SPI1: variants seen among roughly 807,000 people sequenced by gnomAD.
SPI1 encodes Spi-1 proto-oncogene, also known as transcription factor PU.1.
A neutral mutation model predicts 30.7 loss-of-function variants in SPI1; 3 were observed. The observed-to-expected ratio is 0.10, with a 90% CI of 0.04 to 0.25. SPI1 has a LOEUF of 0.25. SPI1 is among the 10% of genes least tolerant of loss of function. The probability of loss-of-function intolerance (pLI) is 1.00; values close to 1 mark genes in which losing one functional copy is unlikely to be tolerated. For synonymous variants in SPI1, 169 were observed against 157.1 expected, an observed-to-expected ratio of 1.08 and a Z score of -0.56; for missense variants, 261 against 371.5, an observed-to-expected ratio of 0.70 and a Z score of 2.45.
intron 2 of SPI1, among the ~76,000 whole-genome samples, chr11:47,360,303 A>G (rs1476907739): frequency 1.3e-5 from 2 of 152,176 alleles, no homozygotes; most frequent in African/African-American, 4.8e-5. Flanking sequence ...GTTCTCAGCA[A>G]TTCCATCCTG....
At chr11:47,361,411 T>G (rs1431359477) in intron 2 of SPI1, among the ~76,000 whole-genome samples, 2 of 152,202 alleles carry the variant, frequency 1.3e-5, no homozygotes, top group Non-Finnish European at 1.5e-5. Context: ...GTGGGTTCCT[T>G]GAGTCTGTGG....
intron 4 of SPI1, among the ~76,000 whole-genome samples, chr11:47,356,074 C>G (rs1038947556): frequency 2.0e-5 from 3 of 151,692 alleles, no homozygotes; most frequent in Admixed American, 6.6e-5. Flanking sequence ...CACCCACATG[C>G]TCACACACAT....
At chr11:47,377,080 T>C (rs1030530163) in intron 1 of SPI1, among the ~76,000 whole-genome samples, 5 of 152,142 alleles carry the variant, frequency 3.3e-5, no homozygotes, top group African/African-American at 1.2e-4. Context: ...GGGGTGTCGG[T>C]GTGGATGCCA....
intron 1 of SPI1, among the ~76,000 whole-genome samples, chr11:47,376,243 C>T (rs1215587148): frequency 6.6e-6 from 1 of 152,056 alleles, no homozygotes; most frequent in African/African-American, 2.4e-5. Context: ...CTCATGCACA[C>T]ACGCAGAGTC....
Position 47,374,335 on chromosome 11 carries a change from G to A in SPI1, c.142+1298C>T, listed in dbSNP as rs1464471189. Among the ~76,000 whole-genome samples, 1 of 152,188 alleles carries A rather than the reference G, an allele frequency of 6.6e-6. No homozygotes were observed. Among genetic ancestry groups the A allele is most frequent in the Non-Finnish European group, 1.5e-5 (1 of 68,034 alleles). ...AAAAGGATATTTTAAAGGCTTTCTA[G>A]CCCTGAAAGATTCTAAAAGATGCCT... On this transcript the variant is annotated intron_variant, in intron 2 of 4. Transcript: ENST00000378538. The surrounding 1 kb of genome is among the most constrained non-coding windows in gnomAD (Gnocchi z 4.5).
At position 47,355,446 on chromosome 11, in the gene SPI1, G is replaced by T. The variant is rs1352348607; in HGVS notation, c.594C>A (p.Thr198=). The T allele has an allele frequency of 6.2e-7, 1 of 1,613,710 alleles. No individual in the cohort carries two copies. The highest frequency in any genetic ancestry group is 1.1e-5 in the South Asian group (1 of 91,066). The change falls in exon 5 of 5, where the codon ACC becomes ACA. Residue 198 remains threonine, a synonymous_variant. Coordinates refer to ENST00000378538, the MANE Select transcript of SPI1 (RefSeq NM_003120.3). ...CCTTGTGCTTGGACGAGAACTGGAA[G>T]GTGCCCTTGTCCTTGTCCACCCACC... ...SIWWVDKDKG[T]FQFSSKHKEA...
chr11:47,360,103 T>G, intron 2 of SPI1, 63 bp from the exon 3 acceptor site: 1 of 1,355,514 alleles, frequency 7.4e-7, no homozygotes, highest in Non-Finnish European at 9.8e-7. Flanking sequence ...GAAAAGGTTA[T>G]AGTAACATTA....
At chr11:47,363,860 G>C (rs1725615493) in intron 2 of SPI1, among the ~76,000 whole-genome samples, 1 of 150,356 alleles carries the variant, frequency 6.7e-6, no homozygotes, top group South Asian at 2.1e-4. Flanking sequence ...TACTCAGGAG[G>C]CTGAGGCAGG....
rs1390727089 is a variant in SPI1 at position 47,375,411 on chromosome 11, G to C, written c.142+222C>G. Among the ~76,000 whole-genome samples, 1 of 152,240 alleles carries C rather than the reference G, an allele frequency of 6.6e-6. No homozygotes were observed. The highest frequency in any genetic ancestry group is 1.5e-5 in the Non-Finnish European group (1 of 68,046). ...ACAGAACCAGCAGATAACCATGGAA[G>C]AAATGAACCCCGCACCTTGACACAC... is the stretch of plus-strand genomic sequence containing the variant. On this transcript the variant is annotated intron_variant, in intron 2 of 4. Transcript: ENST00000378538. The surrounding 1 kb of genome is among the most constrained non-coding windows in gnomAD (Gnocchi z 4.2).
At position 47,354,892 on chromosome 11, in the gene SPI1, AG is replaced by A. The variant is rs2095905581; in HGVS notation, c.*334del. ...AGAATAACTTTACTTGTTTTTTGGG[AG>A]GAGGTTAATGGGTGGGAGGGGTGAG... On this transcript the variant is annotated 3_prime_UTR_variant, in exon 5 of 5. Coordinates refer to ENST00000378538, the MANE Select transcript of SPI1 (RefSeq NM_003120.3). 2 of 231,848 alleles carry A rather than the reference AG, an allele frequency of 8.6e-6. No individual in the cohort carries two copies. 14.4% of individuals were successfully genotyped at this position (231,848 alleles called of 1,614,324 possible). A position where few individuals can be genotyped will look rare whatever the true frequency, so the allele number is the denominator to read the frequency against.
intron 4 of SPI1, among the ~76,000 whole-genome samples, 193 bp from the exon 5 acceptor site, chr11:47,355,739 G>GTTCACACACAC (rs2095907335): frequency 6.7e-6 from 1 of 150,022 alleles, no homozygotes; most frequent in Non-Finnish European, 1.5e-5. Flanking sequence ...CGCACACACA[G>GTTCACACACAC]GCGTTCACAC....
At position 47,354,965 on chromosome 11, in the gene SPI1, C is replaced by A; in HGVS notation, c.*262G>T. The A allele has an allele frequency of 9.3e-6, 3 of 321,338 alleles. No individual in the cohort carries two copies. The highest frequency in any genetic ancestry group is 5.0e-5 in the East Asian group (1 of 19,856). 19.9% of individuals were successfully genotyped at this position (321,338 alleles called of 1,614,324 possible). A position where few individuals can be genotyped will look rare whatever the true frequency, so the allele number is the denominator to read the frequency against. On this transcript the variant is annotated 3_prime_UTR_variant, in exon 5 of 5. Transcript: ENST00000378538. ...CGGACTTGAGACTCCCAAGGCAGTACCCCGGGTCGTCCTCTGCAAGGTTGC... is the reference window on the plus strand; with the variant it reads ...CGGACTTGAGACTCCCAAGGCAGTAACCCGGGTCGTCCTCTGCAAGGTTGC...
chr11:47,361,828 C>T (rs1417278150), intron 2 of SPI1, among the ~76,000 whole-genome samples: 1 of 152,158 alleles, frequency 6.6e-6, no homozygotes, highest in African/African-American at 2.4e-5. Flanking sequence ...CTTTCTAAAC[C>T]TGCTTTGCAG....
In SPI1 at chr11:47,375,679, C is replaced by T. The variant is rs773726748; in HGVS notation, c.96G>A (p.Thr32=). ...TGCTGAGATAGGGGTAATACTCGTG[C>T]GTTTGGCGTTGGTATAGATCCGTGT... is the stretch of plus-strand genomic sequence containing the variant. The part of the protein sequence containing the change: ...PYDTDLYQRQ[T]HEYYPYLSSD... Residue 32 remains threonine (T), a synonymous_variant, in exon 2 of 5, where the codon ACG becomes ACA. Transcript: ENST00000378538. This position sits in a 1 kb window ranked among gnomAD's most constrained non-coding sequence, Gnocchi z 4.2. 1.1e-5 allele frequency: 17 copies of T among 1,613,966 alleles called. No homozygotes were observed. The highest frequency in any genetic ancestry group is 1.3e-5 in the African/African-American group (1 of 74,992).
intron 2 of SPI1, among the ~76,000 whole-genome samples, chr11:47,373,875 T>G (rs1172437962): frequency 6.6e-6 from 1 of 152,194 alleles, no homozygotes; most frequent in Non-Finnish European, 1.5e-5. Flanking sequence ...ACACATGCTT[T>G]CTCTAAAGTG....
chr11:47,357,695 A>T (rs146949395), intron 4 of SPI1, among the ~76,000 whole-genome samples: 56 of 152,324 alleles, frequency 3.7e-4, no homozygotes, highest in African/African-American at 1.3e-3. Context: ...CCTTCCAAGT[A>T]GCTGGGATTA....
intron 2 of SPI1, among the ~76,000 whole-genome samples, chr11:47,371,997 T>C (rs2095936549): frequency 6.6e-6 from 1 of 152,202 alleles, no homozygotes; most frequent in South Asian, 2.1e-4. Flanking sequence ...GTTCCTTCTC[T>C]TAGCTCAGCT....
chr11:47,363,566 T>C (rs1595859189), intron 2 of SPI1, among the ~76,000 whole-genome samples: 1 of 152,112 alleles, frequency 6.6e-6, no homozygotes, highest in African/African-American at 2.4e-5. Flanking sequence ...TCTCACTATG[T>C]TGCCTCCAAC....
chr11:47,362,464 T>A (rs2095922145), intron 2 of SPI1, among the ~76,000 whole-genome samples: 1 of 151,828 alleles, frequency 6.6e-6, no homozygotes, highest in South Asian at 2.1e-4. Flanking sequence ...CCCAGCTACT[T>A]GGGAGGCTGA....
Sources: gnomAD v4.1 joint callset for allele counts (sites outside exome capture counted in the v4.1 genomes callset) on GRCh38, gnomAD v4.1.1 for gene constraint, Gnocchi (gnomAD v3.1) non-coding constraint, MANE v1.5 for transcripts, NCBI Gene and HGNC (gene_info 2026-07-23, HGNC 2026-07-21) for gene names.